CNTNAP2: variants seen among roughly 807,000 people sequenced by gnomAD.
CNTNAP2 encodes the protein contactin associated protein 2, also known as contactin-associated protein-like 2.
Under a neutral mutation model 155.2 loss-of-function variants are expected in CNTNAP2, and 98 were observed. That is an observed-to-expected ratio of 0.63 (90% CI 0.54 to 0.75). The LOEUF is 0.75. Ranked by LOEUF, CNTNAP2 falls within the 30% of genes least tolerant of loss-of-function variation. The pLI is 0.00. For missense variants in CNTNAP2, 1,727 were observed against 1,688.1 expected (o/e 1.02, Z -0.40); for synonymous variants, 651 against 631.2 (o/e 1.03, Z -0.47).
chr7:147,442,384 T>C (rs1797656966), intron 10 of CNTNAP2, among the ~76,000 whole-genome samples: 1 of 152,164 alleles, frequency 6.6e-6, no homozygotes, highest in South Asian at 2.1e-4. Context: ...CTGCCTGGTT[T>C]GGGACTCATC....
At chr7:146,574,960 T>G (rs1296515135) in intron 1 of CNTNAP2, among the ~76,000 whole-genome samples, 1 of 152,154 alleles carries the variant, frequency 6.6e-6, no homozygotes, top group African/African-American at 2.4e-5. Context: ...GCACACTGCC[T>G]TTCTTTCTTC....
chr7:147,985,531 T>TA (rs1464570289), intron 15 of CNTNAP2, among the ~76,000 whole-genome samples: 2 of 140,874 alleles, frequency 1.4e-5, no homozygotes, highest in South Asian at 2.1e-4. Flanking sequence ...AAAGCAGAGA[T>TA]AAAAAAAGGA....
chr7:147,468,448 T>A (rs4725729), intron 10 of CNTNAP2, among the ~76,000 whole-genome samples: 117,911 of 151,808 alleles, frequency 0.78, 46,127 homozygotes, highest in African/African-American at 0.87. Flanking sequence ...CTTTTCTAAG[T>A]GTTGTATCTA....
chr7:146,243,854 G>A (rs986322429), intron 1 of CNTNAP2, among the ~76,000 whole-genome samples: 6 of 152,082 alleles, frequency 3.9e-5, no homozygotes, highest in South Asian at 2.1e-4. Flanking sequence ...AAAATAAAAC[G>A]AAATAGTGCT....
At chr7:147,668,967 T>A (rs956493647) in intron 13 of CNTNAP2, among the ~76,000 whole-genome samples, 4 of 152,066 alleles carry the variant, frequency 2.6e-5, no homozygotes, top group African/African-American at 9.7e-5. Context: ...GCTTTTTTTT[T>A]ATCTTTTATA....
At chr7:147,796,770 C>T (rs553327679) in intron 13 of CNTNAP2, among the ~76,000 whole-genome samples, 2 of 152,112 alleles carry the variant, frequency 1.3e-5, no homozygotes, top group African/African-American at 4.8e-5. Flanking sequence ...TGACTGGAGT[C>T]GAGACAATTA....
chr7:146,276,729 T>G (rs1184587201), intron 1 of CNTNAP2, among the ~76,000 whole-genome samples: 1 of 152,148 alleles, frequency 6.6e-6, no homozygotes, highest in East Asian at 1.9e-4. Flanking sequence ...CACATTTGAA[T>G]GGACTGAGGT....
intron 12 of CNTNAP2, among the ~76,000 whole-genome samples, chr7:147,595,841 T>G (rs1055051439): frequency 2.0e-5 from 3 of 152,256 alleles, no homozygotes; most frequent in African/African-American, 7.2e-5. Flanking sequence ...CTTAGAATCT[T>G]ACAAGATGTC....
chr7:146,847,484 T>C (rs1311772765), intron 3 of CNTNAP2, among the ~76,000 whole-genome samples: 2 of 152,186 alleles, frequency 1.3e-5, no homozygotes, highest in Non-Finnish European at 2.9e-5. Context: ...TTTACCTCAA[T>C]GGAGGTTGTA....
At chr7:148,143,123 G>C (rs1284126784) in intron 16 of CNTNAP2, among the ~76,000 whole-genome samples, 3 of 152,100 alleles carry the variant, frequency 2.0e-5, no homozygotes, top group African/African-American at 7.2e-5. Flanking sequence ...AAAAATTATA[G>C]AATGTTGCCA....
At chr7:146,345,316 A>G (rs1362685752) in intron 1 of CNTNAP2, among the ~76,000 whole-genome samples, 1 of 152,134 alleles carries the variant, frequency 6.6e-6, no homozygotes, top group South Asian at 2.1e-4. Flanking sequence ...TTGAGAGTCG[A>G]GGTGAAAGGA....
intron 13 of CNTNAP2, among the ~76,000 whole-genome samples, chr7:147,862,175 A>G (rs1192017979): frequency 6.6e-6 from 1 of 152,130 alleles, no homozygotes; most frequent in African/African-American, 2.4e-5. Flanking sequence ...CATCATCAAA[A>G]AAGATAATAG....
At chr7:146,992,654 G>C (rs541876550) in intron 3 of CNTNAP2, among the ~76,000 whole-genome samples, 1 of 152,080 alleles carries the variant, frequency 6.6e-6, no homozygotes, top group African/African-American at 2.4e-5. Flanking sequence ...TTTCTCTGGG[G>C]ACCCCTTTGT....
intron 14 of CNTNAP2, among the ~76,000 whole-genome samples, chr7:147,950,907 G>A (rs1424684656): frequency 1.3e-5 from 2 of 152,176 alleles, no homozygotes; most frequent in Admixed American, 1.3e-4. Context: ...AACCTTATCT[G>A]TCTCTTCACT....
chr7:148,222,171 C>A (rs1042145483), intron 19 of CNTNAP2, among the ~76,000 whole-genome samples: 2 of 152,192 alleles, frequency 1.3e-5, no homozygotes, highest in African/African-American at 4.8e-5. Flanking sequence ...GATTCTCCCC[C>A]TCACCCTTTT....
intron 1 of CNTNAP2, among the ~76,000 whole-genome samples, chr7:146,519,283 G>T (rs1797583311): frequency 6.6e-6 from 1 of 151,758 alleles, no homozygotes; most frequent in Non-Finnish European, 1.5e-5. Flanking sequence ...CTCTAATCCT[G>T]GTATTAGAAT....
intron 16 of CNTNAP2, among the ~76,000 whole-genome samples, chr7:148,121,606 G>A (rs77287705): frequency 0.018 from 2,805 of 152,238 alleles, 92 homozygotes; most frequent in African/African-American, 0.064. Context: ...GCGTGTCTCA[G>A]AGGAATTTGG....
At chr7:146,164,859 C>T (rs951800777) in intron 1 of CNTNAP2, among the ~76,000 whole-genome samples, 7 of 152,082 alleles carry the variant, frequency 4.6e-5, no homozygotes, top group African/African-American at 1.7e-4. Flanking sequence ...TTCTTTGAGG[C>T]TTATATTCCT....
chr7:146,294,492 G>A (rs1296843802), intron 1 of CNTNAP2, among the ~76,000 whole-genome samples: 1 of 152,174 alleles, frequency 6.6e-6, no homozygotes, highest in African/African-American at 2.4e-5. Flanking sequence ...TGCAAACCTT[G>A]TGTGGTCGTT....
Sources: allele counts gnomAD v4.1 joint callset (sites outside exome capture counted in the v4.1 genomes callset), GRCh38; gene constraint gnomAD v4.1.1; transcripts MANE v1.5; gene names NCBI Gene and HGNC (gene_info 2026-07-23, HGNC 2026-07-21).